Variants in GML observed in about 807,000 individuals in gnomAD.
GML encodes the protein glycosyl-phosphatidylinositol-anchored molecule-like protein.
GML carries 5 observed loss-of-function variants against 8.2 expected under a neutral mutation model. The ratio of observed to expected loss-of-function variants is 0.61; its 90% CI spans 0.32 to 1.28. The LOEUF (loss-of-function observed/expected upper bound fraction) is 1.28. GML is among the 50% of genes most tolerant of loss of function. The pLI, the probability that GML is intolerant of heterozygous loss-of-function variation, is 0.06. For missense variants in GML, 191 were observed against 198.3 expected (o/e 0.96, Z 0.22); for synonymous variants, 72 against 69.0 (o/e 1.04, Z -0.22).
chr8:142,846,771 A>G lies in GML; in HGVS notation c.*81A>G. 1 of 1,074,200 alleles carries G rather than the reference A, an allele frequency of 9.3e-7. No individual in the cohort carries two copies. Among genetic ancestry groups the G allele is most frequent in the South Asian group, 1.5e-5 (1 of 66,546 alleles). The allele number at this position is 1,074,200 out of a possible 1,614,324, so 66.5% of individuals were successfully genotyped here. ...TCTCCATTATTCCCTTCTAAGCCAGAGACCCTTATCCACTGCTCCTCTAGG... is the reference window on the plus strand; with the variant it reads ...TCTCCATTATTCCCTTCTAAGCCAGGGACCCTTATCCACTGCTCCTCTAGG... On this transcript the variant is annotated 3_prime_UTR_variant, in exon 4 of 4. Coordinates refer to ENST00000220940, the MANE Select transcript of GML (RefSeq NM_002066.3).
intron 1 of GML, among the ~76,000 whole-genome samples, chr8:142,836,634 G>T (rs752167603): frequency 1.3e-5 from 2 of 152,082 alleles, no homozygotes; most frequent in Admixed American, 1.3e-4. Context: ...CTTGCGTTGC[G>T]TACAAAATAG....
intron 1 of GML, among the ~76,000 whole-genome samples, chr8:142,838,536 T>C (rs570605291): frequency 1.3e-5 from 2 of 152,318 alleles, no homozygotes; most frequent in African/African-American, 4.8e-5. Flanking sequence ...CACACAGTCA[T>C]ACACGTTCTA....
At chr8:142,842,030 A>T (rs1816441825) in intron 3 of GML, among the ~76,000 whole-genome samples, 1 of 152,110 alleles carries the variant, frequency 6.6e-6, no homozygotes, top group Non-Finnish European at 1.5e-5. Context: ...CTTGAATTGT[A>T]ACTCCCATAA....
At chr8:142,837,114 T>C (rs955502160) in intron 1 of GML, among the ~76,000 whole-genome samples, 2 of 151,922 alleles carry the variant, frequency 1.3e-5, no homozygotes, top group Non-Finnish European at 2.9e-5. Flanking sequence ...GCCAACATAG[T>C]GAAACCCCGT....
chr8:142,839,228 C>A (rs777928808), intron 1 of GML, among the ~76,000 whole-genome samples: 2 of 152,148 alleles, frequency 1.3e-5, no homozygotes, highest in Non-Finnish European at 2.9e-5. Context: ...GCTGGCTGGA[C>A]GAGTCAGGAG....
In GML at chr8:142,846,508, T is replaced by G; in HGVS notation, c.295T>G (p.Phe99Val). ...AGGAAAAATCTTCAAAACTAATAGC[T>G]TCTACTGGGTTTGTTGTTGTAATAG... ...APGKIFKTNS[F>V]YWVCCCNSMV... is the part of the protein sequence containing the mutation. Residue 99 changes from phenylalanine to valine, a missense_variant, in exon 4 of 4, where the codon TTC becomes GTC. Coordinates refer to ENST00000220940, the MANE Select transcript of GML (RefSeq NM_002066.3). 6.2e-7 allele frequency: 1 copy of G among 1,613,940 alleles called. No homozygotes were observed. The highest frequency in any genetic ancestry group is 8.5e-7 in the Non-Finnish European group (1 of 1,179,800).
intron 1 of GML, among the ~76,000 whole-genome samples, chr8:142,836,321 G>T (rs1265025808): frequency 1.3e-5 from 2 of 152,214 alleles, no homozygotes; most frequent in Non-Finnish European, 2.9e-5. Context: ...GAGAGTTGGA[G>T]AACTGGTTTG....
At chr8:142,839,156 G>A (rs114333336) in intron 1 of GML, among the ~76,000 whole-genome samples, 1,570 of 152,176 alleles carry the variant, frequency 0.01, 25 homozygotes, top group African/African-American at 0.036. Flanking sequence ...GAGTGGAGAC[G>A]GGGCTGCTGG....
At chr8:142,844,202 T>C (rs971268311) in intron 3 of GML, among the ~76,000 whole-genome samples, 4 of 152,194 alleles carry the variant, frequency 2.6e-5, no homozygotes, top group Admixed American at 1.3e-4. Context: ...TCTGACAAAG[T>C]TGACCCTGCA....
chr8:142,840,918 T>A (rs1246163816), intron 2 of GML, among the ~76,000 whole-genome samples, 200 bp from the exon 3 acceptor site: 1 of 152,066 alleles, frequency 6.6e-6, no homozygotes. Context: ...CAGGGAAAGC[T>A]CTCCTTGTGC....
intron 3 of GML, among the ~76,000 whole-genome samples, chr8:142,845,586 C>A (rs1175961222): frequency 6.6e-6 from 1 of 152,136 alleles, no homozygotes; most frequent in African/African-American, 2.4e-5. Flanking sequence ...TGTGTAAACA[C>A]TGGATAGACT....
intron 2 of GML, among the ~76,000 whole-genome samples, chr8:142,840,786 C>A (rs901484242): frequency 6.6e-6 from 1 of 152,208 alleles, no homozygotes; most frequent in South Asian, 2.1e-4. Flanking sequence ...CCAGGGAAAC[C>A]CAGGAGGATG....
At chr8:142,837,630 G>T (rs1415356405) in intron 1 of GML, among the ~76,000 whole-genome samples, 1 of 147,324 alleles carries the variant, frequency 6.8e-6, no homozygotes, top group Non-Finnish European at 1.5e-5. Context: ...GACCCAATTT[G>T]TATGCTCACC....
chr8:142,835,761 C>T (rs1223925080), intron 1 of GML, among the ~76,000 whole-genome samples: 2 of 152,158 alleles, frequency 1.3e-5, no homozygotes, highest in East Asian at 3.9e-4. Flanking sequence ...CTCTCAGTGT[C>T]CGAAACTGCA....
chr8:142,838,621 G>GA (rs1231603621), intron 1 of GML, among the ~76,000 whole-genome samples: 4 of 152,284 alleles, frequency 2.6e-5, no homozygotes, highest in Admixed American at 2.6e-4. Flanking sequence ...GCATCCTCTG[G>GA]AAGATGAGGC....
chr8:142,840,712 C>T (rs1175748545), intron 2 of GML, among the ~76,000 whole-genome samples: 1 of 152,126 alleles, frequency 6.6e-6, no homozygotes, highest in Non-Finnish European at 1.5e-5. Flanking sequence ...AGCAGCTGAC[C>T]AGGGACCAAG....
chr8:142,841,121 CT>C lies in GML; in HGVS notation c.79del (p.Tyr27ThrfsTer3). 1 of 1,489,382 alleles carries C rather than the reference CT, an allele frequency of 6.7e-7. No individual in the cohort carries two copies. The highest frequency in any genetic ancestry group is 9.4e-7 in the Non-Finnish European group (1 of 1,066,286). The allele number at this position is 1,489,382 out of a possible 1,614,324, so 92.3% of individuals were successfully genotyped here. On this transcript the variant is annotated frameshift_variant, in exon 3 of 4. Coordinates refer to ENST00000220940, the MANE Select transcript of GML (RefSeq NM_002066.3). LOFTEE classifies it high-confidence loss of function. Reference protein sequence around the residue: ...AASATMRAQWTYSLRCHDCAV... With the variant: ...AASATMRAQWXYSLRCHDCAV... Reference sequence around the variant, plus strand: ...AGCCTGCTTTCTCCCCTCTCAGGGACTTACAGTTTGAGATGCCATGACTGTG... The same window carrying C: ...AGCCTGCTTTCTCCCCTCTCAGGGACTACAGTTTGAGATGCCATGACTGTG...
At position 142,846,809 on chromosome 8, in the gene GML, G is replaced by T; in HGVS notation, c.*119G>T. Reference sequence around the variant, plus strand: ...CTGCTCCTCTAGGTGGCCCATTTATGGTTTGTTGTAAGAGAAAAATTAAAA... The same window carrying T: ...CTGCTCCTCTAGGTGGCCCATTTATTGTTTGTTGTAAGAGAAAAATTAAAA... On this transcript the variant is annotated 3_prime_UTR_variant, in exon 4 of 4. Coordinates refer to ENST00000220940, the MANE Select transcript of GML (RefSeq NM_002066.3). The T allele has an allele frequency of 7.0e-6, 5 of 715,894 alleles. No individual in the cohort carries two copies. Among genetic ancestry groups the T allele is most frequent in the Non-Finnish European group, 1.2e-5 (5 of 430,170 alleles). The allele number at this position is 715,894 out of a possible 1,614,324, so 44.3% of individuals were successfully genotyped here.
At chr8:142,839,893 T>C (rs1226110165) in intron 1 of GML, among the ~76,000 whole-genome samples, 2 of 151,586 alleles carry the variant, frequency 1.3e-5, no homozygotes, top group African/African-American at 4.8e-5. Flanking sequence ...GGGAGGGGAG[T>C]TCTCTCGTAA....
Sources: allele counts gnomAD v4.1 joint callset (sites outside exome capture counted in the v4.1 genomes callset), GRCh38; gene constraint gnomAD v4.1.1; transcripts MANE v1.5; gene names NCBI Gene and HGNC (gene_info 2026-07-23, HGNC 2026-07-21).